Variants in PKHD1L1 observed in about 807,000 individuals in gnomAD.
PKHD1L1 encodes fibrocystin-L.
A neutral mutation model predicts 462.9 loss-of-function variants in PKHD1L1; 434 were observed. The observed-to-expected ratio is 0.94, with a 90% confidence interval of 0.87 to 1.02. The LOEUF (loss-of-function observed/expected upper bound fraction) is 1.02. Ranked by LOEUF, PKHD1L1 falls within the 50% of genes least tolerant of loss-of-function variation. The pLI, the probability that PKHD1L1 is intolerant of heterozygous loss-of-function variation, is 0.00. For missense variants in PKHD1L1, 5,202 were observed against 5,096.1 expected (o/e 1.02, Z -0.63); for synonymous variants, 1,781 against 1,750.0 (o/e 1.02, Z -0.44).
At chr8:109,400,552 G>A (rs1813222656) in intron 13 of PKHD1L1, among the ~76,000 whole-genome samples, 1 of 151,894 alleles carries the variant, frequency 6.6e-6, no homozygotes, top group Admixed American at 6.6e-5. Flanking sequence ...TCCCGTACCT[G>A]AAAATATTTC....
intron 68 of PKHD1L1, among the ~76,000 whole-genome samples, chr8:109,506,809 T>C (rs933835947): frequency 6.6e-6 from 1 of 152,182 alleles, no homozygotes; most frequent in Non-Finnish European, 1.5e-5. Flanking sequence ...CTGTCCACTA[T>C]TATTTTGTTA....
intron 68 of PKHD1L1, among the ~76,000 whole-genome samples, chr8:109,505,680 CT>C (rs1216636289): frequency 6.6e-6 from 1 of 152,154 alleles, no homozygotes; most frequent in Non-Finnish European, 1.5e-5. Flanking sequence ...AGGAGGATTG[CT>C]TGAGCCCAGG....
chr8:109,452,626 T>C (rs932512385), intron 42 of PKHD1L1, 92 bp from the exon 43 acceptor site: 96 of 645,792 alleles, frequency 1.5e-4, no homozygotes, highest in Non-Finnish European at 5.2e-5. Flanking sequence ...AATATAAATA[T>C]ATTTATATTG....
At chr8:109,470,501 C>A (rs1273372800) in intron 50 of PKHD1L1, 37 of 1,610,296 alleles carry the variant, frequency 2.3e-5, no homozygotes, top group Non-Finnish European at 2.9e-5. Context: ...CAGCAACTGG[C>A]TGGAAAAGAA....
intron 37 of PKHD1L1, among the ~76,000 whole-genome samples, chr8:109,444,279 T>A (rs1815991033): frequency 6.6e-6 from 1 of 152,168 alleles, no homozygotes; most frequent in Admixed American, 6.5e-5. Flanking sequence ...GTGACCAAGT[T>A]TATTTATTTT....
At chr8:109,427,216 T>G (rs1398328999) in intron 25 of PKHD1L1, 60 bp downstream of exon 25, 2 of 1,279,346 alleles carry the variant, frequency 1.6e-6, no homozygotes, top group African/African-American at 3.0e-5. Context: ...ATTTGGACCC[T>G]GCCTTATTCC....
chr8:109,484,731 G>A (rs1269136459), intron 57 of PKHD1L1, among the ~76,000 whole-genome samples: 1 of 151,870 alleles, frequency 6.6e-6, no homozygotes, highest in Non-Finnish European at 1.5e-5. Context: ...ATTGTCCTGA[G>A]CAGTTTTTAA....
In PKHD1L1 at chr8:109,405,083, C is replaced by A; in HGVS notation, c.1622C>A (p.Ser541Ter). The change falls in exon 16 of 78, where the codon TCA (serine) becomes TAA (stop). Residue 541 changes from serine (S) to a stop codon, truncating the protein, a stop_gained. Coordinates refer to ENST00000378402, the MANE Select transcript of PKHD1L1 (RefSeq NM_177531.6). LOFTEE classifies it high-confidence loss of function. ...KVTSPCVEAN[S>*]CSLYQYRLIY... ...ACCAGCCCATGTGTGGAAGCTAATTCATGTTCACTTTACCAATATAGATTA... is the reference window on the plus strand; with the variant it reads ...ACCAGCCCATGTGTGGAAGCTAATTAATGTTCACTTTACCAATATAGATTA... 6.6e-7 allele frequency: 1 copy of A among 1,514,092 alleles called. No individual in the cohort carries two copies. Among genetic ancestry groups the A allele is most frequent in the Non-Finnish European group, 9.0e-7 (1 of 1,110,822 alleles). 93.8% of individuals were successfully genotyped at this position (1,514,092 alleles called of 1,614,324 possible).
In PKHD1L1 at chr8:109,537,115, T is replaced by C. The variant is rs1821161673; in HGVS notation, c.*7025T>C. ...GATGTCACTCTATGTGCGGCAAAGC[T>C]TTGTTTTACTTGATCAAGAAATGAA... is the stretch of plus-strand genomic sequence containing the variant. On this transcript the variant is annotated 3_prime_UTR_variant, in exon 78 of 78. Transcript: ENST00000378402. 6.6e-6 allele frequency among the ~76,000 whole-genome samples: 1 copy of C among 152,268 alleles called. No homozygotes were observed. Among genetic ancestry groups the C allele is most frequent in the Admixed American group, 6.5e-5 (1 of 15,290 alleles).
intron 71 of PKHD1L1, among the ~76,000 whole-genome samples, chr8:109,513,598 C>G (rs1350851911): frequency 6.6e-6 from 1 of 151,742 alleles, no homozygotes; most frequent in African/African-American, 2.4e-5. Context: ...CTTTAAAGTC[C>G]CAGGGTGTTT....
At position 109,490,317 on chromosome 8, in the gene PKHD1L1, A is replaced by G. The variant is rs527294130; in HGVS notation, c.9984+262A>G. 2.4e-4 allele frequency among the ~76,000 whole-genome samples: 37 copies of G among 151,888 alleles called. No homozygotes were observed. In the East Asian group the frequency reaches 4.8e-3, roughly 20 times the overall value. On this transcript the variant is annotated intron_variant, in intron 60 of 77. Transcript: ENST00000378402. ...TCAAAGATCTATAATAGTGGTTTAT[A>G]TATCCACTTTATTTTGCAATGACCA...
At chr8:109,473,971 G>C (rs139218759) in intron 50 of PKHD1L1, among the ~76,000 whole-genome samples, 1 of 152,228 alleles carries the variant, frequency 6.6e-6, no homozygotes, top group Non-Finnish European at 1.5e-5. Context: ...CATTGGCCAA[G>C]ATCAATGAAG....
In PKHD1L1 at chr8:109,395,889, A is replaced by G. The variant is rs1288598843; in HGVS notation, c.812-138A>G. Reference sequence around the variant, plus strand: ...AGGATTGCATCAGAGAAAGTAATGAAACACCTAATTCATGCAGTTGGTAAT... The same window carrying G: ...AGGATTGCATCAGAGAAAGTAATGAGACACCTAATTCATGCAGTTGGTAAT... On this transcript the variant is annotated intron_variant, in intron 10 of 77. Coordinates refer to ENST00000378402, the MANE Select transcript of PKHD1L1 (RefSeq NM_177531.6). 11 of 587,920 alleles carry G rather than the reference A, an allele frequency of 1.9e-5. No homozygotes were observed. The East Asian group carries it at 3.2e-4, about 17-fold the overall frequency. The allele number at this position is 587,920 out of a possible 1,614,324, so 36.4% of individuals were successfully genotyped here. A position where few individuals can be genotyped will look rare whatever the true frequency, so the allele number is the denominator to read the frequency against.
chr8:109,492,427 GGTGTTT>G lies in PKHD1L1; in HGVS notation c.10236+436_10236+441del, dbSNP rs1255377649. On this transcript the variant is annotated intron_variant, in intron 62 of 77. Transcript: ENST00000378402. Reference sequence around the variant, plus strand: ...CCATGGAGTTTCTTCAATTACTATAGGTGTTTGTTGAGATATAGAGTAAGATTACAA... The same window carrying G: ...CCATGGAGTTTCTTCAATTACTATAGGTTGAGATATAGAGTAAGATTACAA... 4.0e-5 allele frequency among the ~76,000 whole-genome samples: 6 copies of G among 151,852 alleles called. No homozygotes were observed. The East Asian group carries it at 7.7e-4, about 20-fold the overall frequency.
At chr8:109,481,686 CAAAA>C in intron 56 of PKHD1L1, 124 bp downstream of exon 56, 23 of 925,494 alleles carry the variant, frequency 2.5e-5, no homozygotes, top group South Asian at 5.0e-5. Context: ...ACTTCTGATA[CAAAA>C]GTATCAGAAG....
Position 109,475,148 on chromosome 8 carries a change from G to A in PKHD1L1, c.8636G>A (p.Arg2879Gln), listed in dbSNP as rs376560405. ...GTSIIPFQKK[R>Q]LTHMSGWMAL... ...AGCATTATTCCATTTCAGAAGAAAC[G>A]ACTGACTCATATGTCTGGATGGATG... The change falls in exon 51 of 78, where the codon CGA becomes CAA. Residue 2879 changes from arginine to glutamine, a missense_variant. Arg to Gln is a conservative substitution (Grantham distance 43). Coordinates refer to ENST00000378402, the MANE Select transcript of PKHD1L1 (RefSeq NM_177531.6). 3.1e-5 allele frequency: 50 copies of A among 1,609,404 alleles called. No homozygotes were observed. The highest frequency in any genetic ancestry group is 4.1e-5 in the Non-Finnish European group (48 of 1,178,004).
intron 16 of PKHD1L1, among the ~76,000 whole-genome samples, chr8:109,405,591 A>G (rs1051172903): frequency 8.5e-5 from 13 of 152,218 alleles, no homozygotes; most frequent in African/African-American, 3.1e-4. Context: ...TCAGGAACAG[A>G]AAACCAAACA....
At chr8:109,511,707 C>T (rs1255377197) in intron 71 of PKHD1L1, among the ~76,000 whole-genome samples, 6 of 152,028 alleles carry the variant, frequency 3.9e-5, no homozygotes, top group Admixed American at 2.6e-4. Flanking sequence ...TGGGTATATA[C>T]CCAGTAATGG....
intron 24 of PKHD1L1, 106 bp from the exon 25 acceptor site, chr8:109,426,896 G>T (rs539633288): frequency 3.1e-5 from 21 of 678,248 alleles, no homozygotes; most frequent in Non-Finnish European, 5.3e-5. Context: ...CAGGTGACCC[G>T]CCCGCTTTGG....
Sources: allele counts gnomAD v4.1 joint callset (sites outside exome capture counted in the v4.1 genomes callset), GRCh38; gene constraint gnomAD v4.1.1; transcripts MANE v1.5; gene names NCBI Gene and HGNC (gene_info 2026-07-23, HGNC 2026-07-21).